TOPORS: variants seen among roughly 807,000 people sequenced by gnomAD.
TOPORS encodes TOP1 binding arginine/serine rich protein, E3 ubiquitin ligase.
A neutral mutation model predicts 81.4 loss-of-function variants in TOPORS; 25 were observed. The ratio of observed to expected loss-of-function variants is 0.31; its 90% CI spans 0.22 to 0.43. The LOEUF (loss-of-function observed/expected upper bound fraction) is 0.43, where lower values mean the gene tolerates loss of function less well. Among genes scored for constraint, TOPORS ranks in the 20% least tolerant of loss-of-function variants. TOPORS has a pLI of 1.00. For missense variants in TOPORS, 1,101 were observed against 1,267.0 expected (o/e 0.87, Z 1.99); for synonymous variants, 473 against 456.6 (o/e 1.04, Z -0.46).
At chr9:32,544,426 G>T in intron 2 of TOPORS, 100 bp from the exon 3 acceptor site, 1 of 1,214,974 alleles carries the variant, frequency 8.2e-7, no homozygotes, top group Non-Finnish European at 1.2e-6. Context: ...TTATTTTGGT[G>T]AAAATACTTA....
At position 32,540,628 on chromosome 9, in the gene TOPORS, T is replaced by G. The variant is rs969834895; in HGVS notation, c.*759A>C. On this transcript the variant is annotated 3_prime_UTR_variant, in exon 3 of 3. Coordinates refer to ENST00000360538, the MANE Select transcript of TOPORS (RefSeq NM_005802.5). ...AAAGCAAATAAGATACTCCTCAAAA[T>G]CAAAGAAAATAATTAAAACTATAAA... 1 of 150,224 alleles carries G rather than the reference T, an allele frequency of 6.7e-6. No individual in the cohort carries two copies. Among genetic ancestry groups the G allele is most frequent in the East Asian group, 1.9e-4 (1 of 5,196 alleles). 9.3% of individuals were successfully genotyped at this position (150,224 alleles called of 1,614,324 possible).
chr9:32,547,616 G>A (rs76870556), intron 2 of TOPORS, among the ~76,000 whole-genome samples: 2,788 of 152,226 alleles, frequency 0.018, 89 homozygotes, highest in African/African-American at 0.063. Flanking sequence ...CCCACATATT[G>A]TATGATACCT....
rs1821111180 is a variant in TOPORS, at chr9:32,544,036, T to C, written c.489A>G (p.Leu163=). 6.2e-7 allele frequency: 1 copy of C among 1,614,178 alleles called. No homozygotes were observed. The highest frequency in any genetic ancestry group is 8.5e-7 in the Non-Finnish European group (1 of 1,180,020). ...CAAAAGAACCATTATACGAAGGCCT[T>C]AGGACATACTCCTTGAAGTCATCTT... The part of the protein sequence containing the change: ...RAEDDFKEYV[L]RPSYNGSFVT... The change falls in exon 3 of 3, where the codon CTA becomes CTG. Residue 163 remains leucine, a synonymous_variant. Transcript: ENST00000360538.
chr9:32,552,454 G>C lies in TOPORS; in HGVS notation c.-18C>G. 3 of 1,603,858 alleles carry C rather than the reference G, an allele frequency of 1.9e-6. No individual in the cohort carries two copies. The highest frequency in any genetic ancestry group is 1.1e-5 in the South Asian group (1 of 89,288). On this transcript the variant is annotated 5_prime_UTR_variant, in exon 1 of 3. Coordinates refer to ENST00000360538, the MANE Select transcript of TOPORS (RefSeq NM_005802.5). The stretch of plus-strand genomic sequence containing the variant: ...CTTACCATGAAGCCAGTAAGTCGTC[G>C]CACGCTGGACTGGATTTATTCAGTG...
chr9:32,542,835 G>T lies in TOPORS; in HGVS notation c.1690C>A (p.Arg564=). ...CTGGGAGATGACAATGATGTAGATC[G>T]TTTCTCTTCCTTCTTTGATTTGATT... The part of the protein sequence containing the change: ...TRIKSKKEEK[R]STSLSSPRNL... The change falls in exon 3 of 3, where the codon CGA becomes AGA. Residue 564 remains arginine, a synonymous_variant. Transcript: ENST00000360538. 1 of 1,613,686 alleles carries T rather than the reference G, an allele frequency of 6.2e-7. No homozygotes were observed. The highest frequency in any genetic ancestry group is 8.5e-7 in the Non-Finnish European group (1 of 1,179,918).
At chr9:32,549,036 G>A (rs1021376929) in intron 2 of TOPORS, among the ~76,000 whole-genome samples, 1 of 151,976 alleles carries the variant, frequency 6.6e-6, no homozygotes, top group Non-Finnish European at 1.5e-5. Flanking sequence ...ATGGCCGGGC[G>A]TGGTGGCTCA....
At chr9:32,547,775 T>A (rs1389414333) in intron 2 of TOPORS, among the ~76,000 whole-genome samples, 1 of 152,186 alleles carries the variant, frequency 6.6e-6, no homozygotes, top group Admixed American at 6.5e-5. Context: ...GTAAATATAC[T>A]AAAAAATCAT....
chr9:32,552,519 A>C lies in TOPORS; in HGVS notation c.-83T>G. On this transcript the variant is annotated 5_prime_UTR_variant, in exon 1 of 3. Coordinates refer to ENST00000360538, the MANE Select transcript of TOPORS (RefSeq NM_005802.5). The stretch of plus-strand genomic sequence containing the variant: ...TCGCGGGCCCCCACCGTGTCGACTC[A>C]CTGGGCCCGCAGGCGGAAAGGCCCT... 1.3e-6 allele frequency: 2 copies of C among 1,552,884 alleles called. No individual in the cohort carries two copies. Among genetic ancestry groups the C allele is most frequent in the Non-Finnish European group, 1.8e-6 (2 of 1,142,850 alleles).
At position 32,543,813 on chromosome 9, in the gene TOPORS, T is replaced by C; in HGVS notation, c.712A>G (p.Arg238Gly). The C allele has an allele frequency of 6.2e-7, 1 of 1,613,798 alleles. No homozygotes were observed. Reference protein sequence around the residue: ...PQFMRQIAVRRPTTADERSLR... With the variant: ...PQFMRQIAVRGPTTADERSLR... ...GATCTTTCATCTGCCGTAGTTGGCC[T>C]CCTTACTGCAATCTGTCTCATAAAC... is the stretch of plus-strand genomic sequence containing the variant. The change falls in exon 3 of 3, where the codon AGG becomes GGG. Residue 238 changes from arginine (R) to glycine (G), a missense_variant. Physicochemically the swap from Arg to Gly is moderately radical, Grantham distance 125. Coordinates refer to ENST00000360538, the MANE Select transcript of TOPORS (RefSeq NM_005802.5). The surrounding 1 kb of genome is among the most constrained non-coding windows in gnomAD (Gnocchi z 5.6).
rs141782813 is a variant in TOPORS, at chr9:32,548,534, A to AACAC, written c.198+2236_198+2239dup. ...AGAGCGAAACTCTGCCTCACACACA[A>AACAC]ACACACACACACACACAAAAGAGTG... is the stretch of plus-strand genomic sequence containing the variant. On this transcript the variant is annotated intron_variant, in intron 2 of 2. Coordinates refer to ENST00000360538, the MANE Select transcript of TOPORS (RefSeq NM_005802.5). Among the ~76,000 whole-genome samples the AACAC allele has an allele frequency of 5.6e-4, 85 of 150,810 alleles. 2 individuals carry two copies. The highest frequency in any genetic ancestry group is 1.9e-3 in the African/African-American group (80 of 41,204).
In TOPORS at chr9:32,541,962, GTTTTGTCTCTCTGTC is replaced by G; in HGVS notation, c.2548_2562del (p.Asp850_Lys854del). On this transcript the variant is annotated inframe_deletion, in exon 3 of 3. Transcript: ENST00000360538. The stretch of plus-strand genomic sequence containing the variant: ...CGGGTCTTCCTTTTTCTCCTTTTGT[GTTTTGTCTCTCTGTC>G]TGATGATCGGCTGTCTGAAAAGGTA... 6.2e-7 allele frequency: 1 copy of G among 1,613,078 alleles called. No homozygotes were observed. The highest frequency in any genetic ancestry group is 1.1e-5 in the South Asian group (1 of 90,874).
At chr9:32,551,370 G>A in intron 1 of TOPORS, 1 of 340,332 alleles carries the variant, frequency 2.9e-6, no homozygotes, top group Non-Finnish European at 5.7e-6. Context: ...CTCACCTCCT[G>A]TTGTACGCCT....
At position 32,542,122 on chromosome 9, in the gene TOPORS, C is replaced by G; in HGVS notation, c.2403G>C (p.Arg801=). 6.2e-7 allele frequency: 1 copy of G among 1,614,130 alleles called. No homozygotes were observed. The highest frequency in any genetic ancestry group is 8.5e-7 in the Non-Finnish European group (1 of 1,180,008). ...KPGGKRKYKT[R]HLEGTNEVAQ... ...CCACTTCGTTAGTACCCTCCAAATG[C>G]CGTGTTTTGTATTTTCGTTTCCCTC... is the stretch of plus-strand genomic sequence containing the variant. The change falls in exon 3 of 3, where the codon CGG becomes CGC. Residue 801 remains arginine (R), a synonymous_variant. Coordinates refer to ENST00000360538, the MANE Select transcript of TOPORS (RefSeq NM_005802.5).
rs749926750 is a variant in TOPORS at position 32,544,105 on chromosome 9, T to C, written c.420A>G (p.Leu140=). The change falls in exon 3 of 3, where the codon CTA becomes CTG. Residue 140 remains leucine, a synonymous_variant. Coordinates refer to ENST00000360538, the MANE Select transcript of TOPORS (RefSeq NM_005802.5). ...AAATAGAATCAAAGGGCTGTTTACA[T>C]AGTGGGCATTCAGCTTTGTTTTTTG... ...EWSKNKAECP[L]CKQPFDSIFH... 14 of 1,614,072 alleles carry C rather than the reference T, an allele frequency of 8.7e-6. No individual in the cohort carries two copies. Among genetic ancestry groups the C allele is most frequent in the East Asian group, 2.2e-5 (1 of 44,892 alleles).
chr9:32,550,790 G>T lies in TOPORS; in HGVS notation c.182C>A (p.Ala61Glu). Residue 61 changes from alanine (A) to glutamate (E), a missense_variant, in exon 2 of 3, where the codon GCG becomes GAG. Physicochemically the swap from Ala to Glu is moderately radical, Grantham distance 107. Coordinates refer to ENST00000360538, the MANE Select transcript of TOPORS (RefSeq NM_005802.5). ...CTCACTCACCTCGGAGGATGCCGGC[G>T]CAGGCCTGGCTGGGGCGCTCGCCGC... is the stretch of plus-strand genomic sequence containing the variant. ...ELAASAPARP[A>E]PASSEIMASA... 2 of 1,612,834 alleles carry T rather than the reference G, an allele frequency of 1.2e-6. No individual in the cohort carries two copies. The highest frequency in any genetic ancestry group is 1.7e-6 in the Non-Finnish European group (2 of 1,179,686).
Position 32,548,670 on chromosome 9 carries a change from C to A in TOPORS, c.198+2104G>T, listed in dbSNP as rs111517515. On this transcript the variant is annotated intron_variant, in intron 2 of 2. Transcript: ENST00000360538. ...GTGTTACGGGTTTTCCATCCTAGCA[C>A]TCTAGGAATTAGGACATTTCCTCAC... is the stretch of plus-strand genomic sequence containing the variant. Among the ~76,000 whole-genome samples, 81 of 152,274 alleles carry A rather than the reference C, an allele frequency of 5.3e-4. 2 individuals carry two copies. Among genetic ancestry groups the A allele is most frequent in the African/African-American group, 1.9e-3 (78 of 41,556 alleles).
chr9:32,548,964 T>C (rs752367326), intron 2 of TOPORS, among the ~76,000 whole-genome samples: 7 of 152,036 alleles, frequency 4.6e-5, no homozygotes, highest in Non-Finnish European at 7.4e-5. Flanking sequence ...AACTGCACAA[T>C]GATATAAACG....
At chr9:32,545,812 A>C (rs1469538846) in intron 2 of TOPORS, among the ~76,000 whole-genome samples, 1 of 152,176 alleles carries the variant, frequency 6.6e-6, no homozygotes, top group African/African-American at 2.4e-5. Flanking sequence ...CCCAGGGCCT[A>C]ATATTCATCT....
intron 2 of TOPORS, among the ~76,000 whole-genome samples, chr9:32,547,871 GC>G (rs1394963166): frequency 6.6e-6 from 1 of 151,910 alleles, no homozygotes; most frequent in Non-Finnish European, 1.5e-5. Flanking sequence ...TTGCTGTGTC[GC>G]CCAGGCTGGA....
Sources: gnomAD v4.1 joint callset for allele counts (sites outside exome capture counted in the v4.1 genomes callset) on GRCh38, gnomAD v4.1.1 for gene constraint, Gnocchi (gnomAD v3.1) non-coding constraint, MANE v1.5 for transcripts, NCBI Gene and HGNC (gene_info 2026-07-23, HGNC 2026-07-21) for gene names.